The following WDR88 variants were observed in gnomAD, a reference collection of about 807,000 sequenced individuals.
WDR88 encodes the protein WD repeat-containing protein 88.
WDR88 carries 40 observed loss-of-function variants against 46.8 expected under a neutral mutation model. That is an observed-to-expected ratio of 0.86 (90% CI 0.66 to 1.11). The LOEUF (loss-of-function observed/expected upper bound fraction) is 1.11, where lower values mean the gene tolerates loss of function less well. Among genes scored for constraint, WDR88 ranks in the 50% most tolerant of loss-of-function variants. The pLI is 0.00. For synonymous variants in WDR88, 235 were observed against 240.7 expected (o/e 0.98, Z 0.22); for missense variants, 562 against 602.4 (o/e 0.93, Z 0.70).
intron 8 of WDR88, among the ~76,000 whole-genome samples, chr19:33,163,496 CAAAACAAA>C (rs994129336): frequency 1.3e-4 from 20 of 151,888 alleles, no homozygotes; most frequent in South Asian, 8.3e-4. Context: ...AACTCTGTCT[CAAAACAAA>C]CAAACAAACA....
At chr19:33,149,299 C>A (rs1412699730) in intron 5 of WDR88, among the ~76,000 whole-genome samples, 3 of 151,318 alleles carry the variant, frequency 2.0e-5, no homozygotes, top group Non-Finnish European at 4.4e-5. Context: ...TCCAGCCTGG[C>A]AGACAGAGTG....
At chr19:33,157,679 GTATGTATGTATATATA>G (rs1443629819) in intron 7 of WDR88, among the ~76,000 whole-genome samples, 10 of 94,192 alleles carry the variant, frequency 1.1e-4, no homozygotes, top group African/African-American at 4.6e-4. Flanking sequence ...GTGTGTGTGT[GTATGTATGTATATATA>G]TATATATATA....
chr19:33,136,768 G>T (rs1973275352), intron 1 of WDR88, among the ~76,000 whole-genome samples: 2 of 151,080 alleles, frequency 1.3e-5, no homozygotes, highest in Non-Finnish European at 2.9e-5. Context: ...GTAGAGATGG[G>T]GTTTTGCCAT....
intron 1 of WDR88, among the ~76,000 whole-genome samples, chr19:33,134,065 T>C (rs912411945): frequency 1.3e-5 from 2 of 152,254 alleles, no homozygotes; most frequent in Non-Finnish European, 1.5e-5. Context: ...ACGCTACGCA[T>C]AGAAGAACCG....
At chr19:33,160,594 AG>A in intron 8 of WDR88, 98 bp downstream of exon 8, 10 of 1,260,042 alleles carry the variant, frequency 7.9e-6, no homozygotes, top group Non-Finnish European at 1.0e-5. Context: ...TGAGTGACAC[AG>A]GCCTTGATGC....
intron 5 of WDR88, among the ~76,000 whole-genome samples, chr19:33,150,831 C>A (rs557430929): frequency 2.0e-5 from 3 of 152,380 alleles, no homozygotes; most frequent in East Asian, 3.9e-4. Flanking sequence ...GCTTCCCTTG[C>A]TGGCTTTTCG....
chr19:33,155,208 T>C (rs1973711201), intron 6 of WDR88, among the ~76,000 whole-genome samples: 1 of 152,156 alleles, frequency 6.6e-6, no homozygotes, highest in African/African-American at 2.4e-5. Flanking sequence ...TGGCACAATC[T>C]TGGCTCACTG....
At chr19:33,137,423 T>G (rs145020711) in intron 1 of WDR88, among the ~76,000 whole-genome samples, 210 of 152,174 alleles carry the variant, frequency 1.4e-3, no homozygotes, top group African/African-American at 4.4e-3. Flanking sequence ...CAGCCAAGTT[T>G]TGTATTTTTA....
chr19:33,147,895 G>A (rs999363579), intron 4 of WDR88, among the ~76,000 whole-genome samples, 187 bp downstream of exon 4: 3 of 152,104 alleles, frequency 2.0e-5, no homozygotes, highest in African/African-American at 7.2e-5. Flanking sequence ...CTTGCAAAAA[G>A]TCTGGAGGGT....
chr19:33,168,803 A>G (rs548208338), intron 9 of WDR88, among the ~76,000 whole-genome samples: 7 of 152,236 alleles, frequency 4.6e-5, no homozygotes, highest in African/African-American at 1.7e-4. Context: ...GGGGAAGGAG[A>G]AGAATAAGAG....
intron 9 of WDR88, among the ~76,000 whole-genome samples, chr19:33,171,295 C>G (rs1974035049): frequency 6.6e-6 from 1 of 152,146 alleles, no homozygotes; most frequent in Admixed American, 6.5e-5. Context: ...TTGAAACTAA[C>G]TTTTGAATTA....
At chr19:33,145,058 G>C in intron 3 of WDR88, 126 bp downstream of exon 3, 1 of 897,328 alleles carries the variant, frequency 1.1e-6, no homozygotes, top group Admixed American at 2.1e-5. Flanking sequence ...TGTGGCCTAA[G>C]CTGGTCTCGA....
intron 6 of WDR88, 45 bp downstream of exon 6, chr19:33,151,355 T>C (rs1206982451): frequency 1.3e-6 from 2 of 1,592,010 alleles, no homozygotes; most frequent in Middle Eastern, 1.9e-4. Context: ...GGGTGGGGCG[T>C]CCCCATTCAT....
chr19:33,151,284 C>G lies in WDR88; in HGVS notation c.783C>G (p.Ser261=), dbSNP rs887712302. Reference sequence around the variant, plus strand: ...GCATCAAGATCTGGGATGTTACATCCCAGGCCACGCTGCTCACCATCACTA... The same window carrying G: ...GCATCAAGATCTGGGATGTTACATCGCAGGCCACGCTGCTCACCATCACTA... ...DRCIKIWDVT[S]QATLLTITKA... Residue 261 remains serine, a synonymous_variant, in exon 6 of 11, where the codon TCC becomes TCG. Transcript: ENST00000355868. 9 of 1,613,514 alleles carry G rather than the reference C, an allele frequency of 5.6e-6. No homozygotes were observed. Among genetic ancestry groups the G allele is most frequent in the Non-Finnish European group, 7.6e-6 (9 of 1,179,858 alleles).
Position 33,137,737 on chromosome 19 carries a change from G to A in WDR88, c.337G>A (p.Asp113Asn), listed in dbSNP as rs1973303762. The A allele has an allele frequency of 1.9e-6, 3 of 1,613,804 alleles. No individual in the cohort carries two copies. The highest frequency in any genetic ancestry group is 4.5e-5 in the East Asian group (2 of 44,890). ...HAVSTCHFCV[D>N]DTKLLSGSYD... ...TGTGAGCACCTGCCACTTCTGTGTGGATGACACAAAGCTCCTCAGTGGCTC... is the reference window on the plus strand; with the variant it reads ...TGTGAGCACCTGCCACTTCTGTGTGAATGACACAAAGCTCCTCAGTGGCTC... Residue 113 changes from aspartate (D) to asparagine (N), a missense_variant, in exon 2 of 11, where the codon GAT (aspartate) becomes AAT (asparagine). Asp to Asn is a conservative substitution (Grantham distance 23). Coordinates refer to ENST00000355868, the MANE Select transcript of WDR88 (RefSeq NM_173479.4).
intron 8 of WDR88, among the ~76,000 whole-genome samples, chr19:33,162,501 C>T (rs776909633): frequency 2.0e-5 from 3 of 151,850 alleles, no homozygotes; most frequent in Non-Finnish European, 4.4e-5. Context: ...GCATGGAGCA[C>T]CGCGCCCGGC....
chr19:33,133,924 C>G (rs1973192637), intron 1 of WDR88, among the ~76,000 whole-genome samples: 1 of 152,252 alleles, frequency 6.6e-6, no homozygotes, highest in East Asian at 1.9e-4. Flanking sequence ...CTCAAGGTGT[C>G]CTCTGGCTGC....
chr19:33,134,737 C>G (rs1036087227), intron 1 of WDR88, among the ~76,000 whole-genome samples: 26 of 152,080 alleles, frequency 1.7e-4, no homozygotes, highest in Non-Finnish European at 3.5e-4. Context: ...GCTCTCCACG[C>G]TCCCTGGCAA....
intron 1 of WDR88, 148 bp downstream of exon 1, chr19:33,132,593 C>T: frequency 7.7e-7 from 1 of 1,290,754 alleles, no homozygotes; most frequent in Non-Finnish European, 1.0e-6. Flanking sequence ...ATCTGTGGTA[C>T]ATCTGTGGGC....
Sources: allele counts gnomAD v4.1 joint callset (sites outside exome capture counted in the v4.1 genomes callset), GRCh38; gene constraint gnomAD v4.1.1; transcripts MANE v1.5; gene names NCBI Gene and HGNC (gene_info 2026-07-23, HGNC 2026-07-21).